NRXN3: variants seen among roughly 807,000 people sequenced by gnomAD.
NRXN3 encodes the protein neurexin III.
In NRXN3, 32 loss-of-function variants were observed where a neutral mutation model predicts 137.6. The observed-to-expected ratio is 0.23, with a 90% CI of 0.18 to 0.31. The LOEUF (loss-of-function observed/expected upper bound fraction) is 0.31. Ranked by LOEUF, NRXN3 falls within the 10% of genes least tolerant of loss-of-function variation. NRXN3 has a pLI of 1.00. For synonymous variants in NRXN3, 798 were observed against 784.5 expected, an observed-to-expected ratio of 1.02 and a Z score of -0.29; for missense variants, 1,574 against 2,062.5, an observed-to-expected ratio of 0.76 and a Z score of 4.59.
At chr14:78,767,526 C>A (rs753520402) in intron 8 of NRXN3, among the ~76,000 whole-genome samples, 7 of 152,178 alleles carry the variant, frequency 4.6e-5, no homozygotes, top group Non-Finnish European at 1.0e-4. Context: ...ACGTGCAATA[C>A]CCCTGGCATG....
At chr14:79,649,745 C>T (rs1353231646) in intron 16 of NRXN3, among the ~76,000 whole-genome samples, 1 of 151,902 alleles carries the variant, frequency 6.6e-6, no homozygotes, top group Non-Finnish European at 1.5e-5. Flanking sequence ...ATTTTTATAC[C>T]AATAGTTTCA....
At chr14:79,125,605 A>G (rs1347137232) in intron 15 of NRXN3, among the ~76,000 whole-genome samples, 1 of 152,178 alleles carries the variant, frequency 6.6e-6, no homozygotes, top group Non-Finnish European at 1.5e-5. Flanking sequence ...AGTCTTAAAT[A>G]GCCCTCGAAT....
At chr14:79,327,576 C>T (rs867825584) in intron 15 of NRXN3, among the ~76,000 whole-genome samples, 16 of 152,186 alleles carry the variant, frequency 1.1e-4, no homozygotes, top group Admixed American at 5.9e-4. Context: ...CAGTTTCCTC[C>T]TCTTGTGCTG....
At chr14:79,380,872 C>T (rs2094451266) in intron 15 of NRXN3, among the ~76,000 whole-genome samples, 1 of 152,078 alleles carries the variant, frequency 6.6e-6, no homozygotes, top group Non-Finnish European at 1.5e-5. Context: ...CCTAGATATA[C>T]TTCTAACATA....
intron 16 of NRXN3, among the ~76,000 whole-genome samples, chr14:79,544,790 C>T (rs28553991): frequency 0.036 from 5,538 of 152,238 alleles, 311 homozygotes; most frequent in African/African-American, 0.12. Flanking sequence ...TTGTTACAAA[C>T]GCATATTGTT....
intron 4 of NRXN3, among the ~76,000 whole-genome samples, chr14:78,566,198 C>G (rs1466881018): frequency 6.6e-6 from 1 of 152,020 alleles, no homozygotes; most frequent in Non-Finnish European, 1.5e-5. Flanking sequence ...AACAGGTGCC[C>G]CCGATGATCT....
At chr14:78,173,056 C>T (rs1566896040) in intron 1 of NRXN3, among the ~76,000 whole-genome samples, 2 of 151,830 alleles carry the variant, frequency 1.3e-5, no homozygotes, top group South Asian at 2.1e-4. Flanking sequence ...GATTGGGTGG[C>T]GGTTGGTGTG....
chr14:79,776,944 G>A (rs2099099018), intron 19 of NRXN3, among the ~76,000 whole-genome samples: 1 of 152,164 alleles, frequency 6.6e-6, no homozygotes, highest in South Asian at 2.1e-4. Flanking sequence ...TGATAGTGGG[G>A]CTGATAGGCA....
chr14:79,113,454 G>A (rs1000453376), intron 15 of NRXN3, among the ~76,000 whole-genome samples: 50 of 151,988 alleles, frequency 3.3e-4, no homozygotes, highest in African/African-American at 1.2e-3. Flanking sequence ...TCTCTTAATC[G>A]GCCTCGACTT....
intron 15 of NRXN3, among the ~76,000 whole-genome samples, chr14:79,130,412 G>T (rs1421228673): frequency 1.3e-5 from 2 of 151,894 alleles, no homozygotes; most frequent in South Asian, 2.1e-4. Flanking sequence ...TGTCTGTAAC[G>T]TATTTTATTT....
At chr14:79,662,301 T>A (rs985339549) in intron 16 of NRXN3, among the ~76,000 whole-genome samples, 1 of 152,160 alleles carries the variant, frequency 6.6e-6, no homozygotes, top group Non-Finnish European at 1.5e-5. Flanking sequence ...CTCCCTTCTG[T>A]CCTTACACAT....
chr14:79,541,871 G>A lies in NRXN3; in HGVS notation c.3444+74469G>A, dbSNP rs140697063. Among the ~76,000 whole-genome samples the A allele has an allele frequency of 1.8e-3, 281 of 152,230 alleles. 1 individual carries two copies. The highest frequency in any genetic ancestry group is 6.1e-3 in the African/African-American group (253 of 41,560). On this transcript the variant is annotated intron_variant, in intron 16 of 20. Coordinates refer to ENST00000335750, the MANE Select transcript of NRXN3 (RefSeq NM_001330195.2). ...GGGTGTTGGAGAAAACCTATTGTAGGAATTTGACTTTGGTTGGGTAATATG... is the reference window on the plus strand; with the variant it reads ...GGGTGTTGGAGAAAACCTATTGTAGAAATTTGACTTTGGTTGGGTAATATG...
At chr14:79,018,383 G>T (rs2099583480) in intron 15 of NRXN3, among the ~76,000 whole-genome samples, 1 of 151,528 alleles carries the variant, frequency 6.6e-6, no homozygotes, top group South Asian at 2.1e-4. Flanking sequence ...GGGAAAACTG[G>T]GTTTTTCTCT....
At chr14:79,142,061 G>A (rs1276461786) in intron 15 of NRXN3, among the ~76,000 whole-genome samples, 1 of 152,128 alleles carries the variant, frequency 6.6e-6, no homozygotes, top group Admixed American at 6.6e-5. Context: ...CTTTTGGGGG[G>A]TTCACGGAAA....
intron 14 of NRXN3, among the ~76,000 whole-genome samples, chr14:78,975,831 T>A (rs1598119245): frequency 6.6e-6 from 1 of 152,322 alleles, no homozygotes; most frequent in Non-Finnish European, 1.5e-5. Flanking sequence ...GCACATGTAT[T>A]TTCACATTAT....
At chr14:78,927,150 C>CTCTTGAGAAAAA (rs546385554) in intron 10 of NRXN3, among the ~76,000 whole-genome samples, 8 of 111,710 alleles carry the variant, frequency 7.2e-5, no homozygotes, top group African/African-American at 2.1e-4. Context: ...GTGAGACCCT[C>CTCTTGAGAAAAA]AAAAAAAAAA....
At chr14:79,093,239 A>C (rs1236856205) in intron 15 of NRXN3, among the ~76,000 whole-genome samples, 1 of 152,174 alleles carries the variant, frequency 6.6e-6, no homozygotes, top group African/African-American at 2.4e-5. Context: ...CTTCCTGGAC[A>C]AGAAGACATC....
In NRXN3 at chr14:78,210,205, T is replaced by A. The variant is rs1389616995; in HGVS notation, c.-703-32186T>A. 3.3e-5 allele frequency among the ~76,000 whole-genome samples: 5 copies of A among 152,316 alleles called. No homozygotes were observed. The East Asian group carries it at 9.6e-4, about 29-fold the overall frequency. ...GGCGAGTGGGAAATCCAGGATCAAGTTGCCAGCAGATTCAGTGTCTGGTGA... is the reference window on the plus strand; with the variant it reads ...GGCGAGTGGGAAATCCAGGATCAAGATGCCAGCAGATTCAGTGTCTGGTGA... On this transcript the variant is annotated intron_variant, in intron 1 of 20. Coordinates refer to ENST00000335750, the MANE Select transcript of NRXN3 (RefSeq NM_001330195.2).
chr14:79,811,668 G>A (rs368249436), intron 20 of NRXN3, among the ~76,000 whole-genome samples: 4 of 139,704 alleles, frequency 2.9e-5, no homozygotes, highest in Non-Finnish European at 4.5e-5. Flanking sequence ...TGCAAGCTCC[G>A]CCTCGTGGGT....
Sources: gnomAD v4.1 joint callset for allele counts (sites outside exome capture counted in the v4.1 genomes callset) on GRCh38, gnomAD v4.1.1 for gene constraint, MANE v1.5 for transcripts, NCBI Gene and HGNC (gene_info 2026-07-23, HGNC 2026-07-21) for gene names.